STXBP5L: variants seen among roughly 807,000 people sequenced by gnomAD.
STXBP5L encodes the protein syntaxin-binding protein 5-like.
STXBP5L carries 65 observed loss-of-function variants against 144.5 expected under a neutral mutation model. That is an observed-to-expected ratio of 0.45 (90% CI 0.37 to 0.55). The LOEUF is 0.55. STXBP5L is among the 20% of genes least tolerant of loss of function. The probability of loss-of-function intolerance (pLI) is 0.00; values close to 1 mark genes in which losing one functional copy is unlikely to be tolerated. For missense variants in STXBP5L, 1,298 were observed against 1,405.5 expected, an observed-to-expected ratio of 0.92 and a Z score of 1.22; for synonymous variants, 505 against 469.6, an observed-to-expected ratio of 1.08 and a Z score of -0.97.
chr3:120,989,465 A>C (rs56172124), intron 3 of STXBP5L, among the ~76,000 whole-genome samples: 2,225 of 152,034 alleles, frequency 0.015, 58 homozygotes, highest in African/African-American at 0.051. Flanking sequence ...TAATTTGCCC[A>C]CTCTTTAATG....
intron 5 of STXBP5L, among the ~76,000 whole-genome samples, chr3:121,062,999 C>G (rs944990699): frequency 6.6e-6 from 1 of 152,180 alleles, no homozygotes. Flanking sequence ...CTTCTGAAGC[C>G]TACTTCTGTC....
chr3:121,106,918 T>A (rs974804330), intron 5 of STXBP5L, among the ~76,000 whole-genome samples: 1 of 152,308 alleles, frequency 6.6e-6, no homozygotes, highest in Middle Eastern at 3.4e-3. Context: ...GTTTCTTGAC[T>A]TTTTAATGAT....
intron 19 of STXBP5L, among the ~76,000 whole-genome samples, chr3:121,284,195 C>T (rs1157123194): frequency 6.6e-6 from 1 of 151,402 alleles, no homozygotes; most frequent in African/African-American, 2.4e-5. Flanking sequence ...TTTTTTTCAG[C>T]CCATCATTCA....
rs779560086 is a variant in STXBP5L at position 121,239,080 on chromosome 3, A to G, written c.1294A>G (p.Ile432Val). 3.2e-5 allele frequency: 52 copies of G among 1,600,620 alleles called. No individual in the cohort carries two copies. The highest frequency in any genetic ancestry group is 3.4e-5 in the Non-Finnish European group (40 of 1,174,162). Residue 432 changes from isoleucine (I) to valine (V), a missense_variant, in exon 13 of 27, where the codon ATA becomes GTA. Ile to Val is a conservative substitution (Grantham distance 29). Coordinates refer to ENST00000471454, the MANE Select transcript of STXBP5L (RefSeq NM_001308330.2). ...GGATTTGATTCTAGTACTGTATTCTATAGGAGTCAAGCATAAAAAACAAGG... is the reference window on the plus strand; with the variant it reads ...GGATTTGATTCTAGTACTGTATTCTGTAGGAGTCAAGCATAAAAAACAAGG... ...PPDLILVLYS[I>V]GVKHKKQGYS... is the part of the protein sequence containing the mutation.
chr3:121,043,758 A>G (rs1409660926), intron 4 of STXBP5L, among the ~76,000 whole-genome samples: 3 of 152,154 alleles, frequency 2.0e-5, no homozygotes, highest in Non-Finnish European at 4.4e-5. Context: ...CACTAGAATT[A>G]TTTAGGTATT....
intron 3 of STXBP5L, among the ~76,000 whole-genome samples, chr3:121,001,737 C>G (rs1943795173): frequency 6.6e-6 from 1 of 152,182 alleles, no homozygotes; most frequent in Non-Finnish European, 1.5e-5. Context: ...TTCCCAGCTT[C>G]CTCTCCCTTC....
At chr3:121,238,830 TACAATTCTTGTTTTATGGTACTTAAAAA>T in intron 12 of STXBP5L, 113 bp from the exon 13 acceptor site, 1 of 804,062 alleles carries the variant, frequency 1.2e-6, no homozygotes, top group Non-Finnish European at 1.8e-6. Flanking sequence ...TTTTTGTTCA[TACAATTCTTGTTTTATGGTACTTAAAAA>T]ACAAGCAAAA....
intron 5 of STXBP5L, among the ~76,000 whole-genome samples, chr3:121,108,245 C>T (rs1425556397): frequency 1.3e-5 from 2 of 152,140 alleles, no homozygotes; most frequent in Non-Finnish European, 2.9e-5. Context: ...ACTCCCAATA[C>T]TATGTTGAAT....
At chr3:121,041,279 AT>A (rs1396679344) in intron 3 of STXBP5L, among the ~76,000 whole-genome samples, 6 of 151,992 alleles carry the variant, frequency 3.9e-5, no homozygotes, top group Admixed American at 3.9e-4. Flanking sequence ...TGCTTAGAAG[AT>A]TTTTTATATG....
chr3:121,114,804 C>G, intron 5 of STXBP5L, 121 bp from the exon 6 acceptor site: 1 of 545,704 alleles, frequency 1.8e-6, no homozygotes, highest in Non-Finnish European at 3.0e-6. Flanking sequence ...ACATGCTATA[C>G]TTGAGTATAT....
chr3:121,303,253 C>T (rs1411170754), intron 19 of STXBP5L, among the ~76,000 whole-genome samples: 12 of 152,138 alleles, frequency 7.9e-5, no homozygotes, highest in Non-Finnish European at 1.2e-4. Flanking sequence ...AAGACATTTA[C>T]ACAGCCAAAA....
chr3:121,015,215 G>C (rs1203883837), intron 3 of STXBP5L, among the ~76,000 whole-genome samples: 1 of 152,120 alleles, frequency 6.6e-6, no homozygotes, highest in Non-Finnish European at 1.5e-5. Flanking sequence ...AGTTGACCCA[G>C]CTAGGGATTA....
intron 9 of STXBP5L, among the ~76,000 whole-genome samples, chr3:121,170,407 A>T (rs944357145): frequency 3.9e-5 from 6 of 152,190 alleles, no homozygotes; most frequent in African/African-American, 1.4e-4. Flanking sequence ...TGAATCTAGG[A>T]GCTGGTTTTT....
chr3:121,048,495 T>C (rs548367905), intron 5 of STXBP5L, among the ~76,000 whole-genome samples: 1 of 152,148 alleles, frequency 6.6e-6, no homozygotes, highest in African/African-American at 2.4e-5. Flanking sequence ...GAATTGGAGA[T>C]TTGGTCTCTT....
At chr3:121,348,522 A>G (rs2045110327) in intron 20 of STXBP5L, among the ~76,000 whole-genome samples, 1 of 152,128 alleles carries the variant, frequency 6.6e-6, no homozygotes, top group African/African-American at 2.4e-5. Context: ...GAATAGTTTC[A>G]GAAGGAATGG....
intron 2 of STXBP5L, among the ~76,000 whole-genome samples, chr3:120,940,091 T>C (rs1710484741): frequency 6.6e-6 from 1 of 152,160 alleles, no homozygotes; most frequent in African/African-American, 2.4e-5. Context: ...TTTCTATGAC[T>C]GCTAATTTCC....
At chr3:120,978,619 C>G (rs1029339445) in intron 3 of STXBP5L, among the ~76,000 whole-genome samples, 1 of 151,964 alleles carries the variant, frequency 6.6e-6, no homozygotes, top group Non-Finnish European at 1.5e-5. Context: ...ATGAGAGGCA[C>G]TCTGCTTTTT....
intron 20 of STXBP5L, among the ~76,000 whole-genome samples, chr3:121,369,305 G>T (rs182069622): frequency 6.7e-6 from 1 of 150,330 alleles, no homozygotes; most frequent in East Asian, 2.0e-4. Flanking sequence ...GAGTGTTCTG[G>T]TGCTTCCTAT....
At chr3:121,313,773 G>A (rs1436772417) in intron 19 of STXBP5L, among the ~76,000 whole-genome samples, 5 of 139,718 alleles carry the variant, frequency 3.6e-5, no homozygotes, top group Non-Finnish European at 6.2e-5. Flanking sequence ...GGTGGCTGCC[G>A]GGCGGAGACG....
Sources: allele counts gnomAD v4.1 joint callset (sites outside exome capture counted in the v4.1 genomes callset), GRCh38; gene constraint gnomAD v4.1.1; transcripts MANE v1.5; gene names NCBI Gene and HGNC (gene_info 2026-07-23, HGNC 2026-07-21).